PTPRU: variants seen among roughly 807,000 people sequenced by gnomAD.
PTPRU encodes protein tyrosine phosphatase receptor type U.
PTPRU carries 69 observed loss-of-function variants against 166.3 expected under a neutral mutation model. That is an observed-to-expected ratio of 0.41 (90% confidence interval 0.34 to 0.51). PTPRU has a LOEUF of 0.51. Ranked by LOEUF, PTPRU falls within the 20% of genes least tolerant of loss-of-function variation. The probability of loss-of-function intolerance (pLI) is 0.09; values close to 1 mark genes in which losing one functional copy is unlikely to be tolerated. For synonymous variants in PTPRU, 793 were observed against 814.0 expected (o/e 0.97, Z 0.44); for missense variants, 1,657 against 2,013.7 (o/e 0.82, Z 3.39).
intron 1 of PTPRU, among the ~76,000 whole-genome samples, chr1:29,254,430 T>G (rs1684684606): frequency 6.6e-6 from 1 of 152,244 alleles, no homozygotes; most frequent in Non-Finnish European, 1.5e-5. Context: ...CTGTTAGTAC[T>G]GGTTGCAAAT....
At position 29,245,515 on chromosome 1, in the gene PTPRU, C is replaced by T. The variant is rs192956023; in HGVS notation, c.73+8798C>T. ...CTGGACTGCTCTGGATGTGCACTGT[C>T]TGGGATTCCTGGGTCCAGCCTCCTT... On this transcript the variant is annotated intron_variant, in intron 1 of 29. Coordinates refer to ENST00000373779, the MANE Select transcript of PTPRU (RefSeq NM_133178.4). 5.9e-5 allele frequency among the ~76,000 whole-genome samples: 9 copies of T among 152,318 alleles called. No homozygotes were observed. The East Asian group carries it at 1.7e-3, about 29-fold the overall frequency.
chr1:29,266,405 A>T (rs1019936349), intron 7 of PTPRU, among the ~76,000 whole-genome samples: 2 of 152,212 alleles, frequency 1.3e-5, no homozygotes, highest in Non-Finnish European at 2.9e-5. Context: ...GTTGCTAATC[A>T]ATATTCGTAA....
chr1:29,274,112 C>A (rs960494858), intron 7 of PTPRU, among the ~76,000 whole-genome samples: 3 of 152,208 alleles, frequency 2.0e-5, no homozygotes, highest in Non-Finnish European at 4.4e-5. Context: ...CTTACCGCAA[C>A]CTCTGCCTCC....
At position 29,283,081 on chromosome 1, in the gene PTPRU, C is replaced by T. The variant is rs976035623; in HGVS notation, c.2142+132C>T. On this transcript the variant is annotated intron_variant, in intron 12 of 29. Transcript: ENST00000373779. ...CATAGCCCCACCTCCCATAGCCCCA[C>T]CTCCCATAGCTCCTCCTCCTACAGC... is the stretch of plus-strand genomic sequence containing the variant. 26 of 1,287,158 alleles carry T rather than the reference C, an allele frequency of 2.0e-5. No homozygotes were observed. In the African/African-American group the frequency reaches 3.6e-4, roughly 18 times the overall value. 79.7% of individuals were successfully genotyped at this position (1,287,158 alleles called of 1,614,324 possible).
intron 15 of PTPRU, among the ~76,000 whole-genome samples, chr1:29,297,071 T>G (rs76167227): frequency 6.7e-6 from 1 of 148,838 alleles, no homozygotes; most frequent in Admixed American, 6.8e-5. Flanking sequence ...TTTTTTTTTT[T>G]GAAACAGGGT....
chr1:29,316,272 T>C (rs1687897159), intron 24 of PTPRU, 121 bp downstream of exon 24: 2 of 1,236,532 alleles, frequency 1.6e-6, no homozygotes, highest in South Asian at 1.5e-5. Context: ...AGGCCACAGC[T>C]GGAGGGACAG....
chr1:29,265,071 C>G (rs1250985946), intron 7 of PTPRU, among the ~76,000 whole-genome samples: 1 of 152,182 alleles, frequency 6.6e-6, no homozygotes, highest in Non-Finnish European at 1.5e-5. Flanking sequence ...AGCATTCATA[C>G]AGAGGTTTTT....
In PTPRU at chr1:29,325,950, A is replaced by G; in HGVS notation, c.*289A>G. 1 of 459,100 alleles carries G rather than the reference A, an allele frequency of 2.2e-6. No homozygotes were observed. The allele number at this position is 459,100 out of a possible 1,614,324, so 28.4% of individuals were successfully genotyped here. ...AGGCCTGGTGCTGCCTGGCAGAGTGACAAAGGCTCAGGACGGCTGGCTCTG... is the reference window on the plus strand; with the variant it reads ...AGGCCTGGTGCTGCCTGGCAGAGTGGCAAAGGCTCAGGACGGCTGGCTCTG... On this transcript the variant is annotated 3_prime_UTR_variant, in exon 30 of 30. Coordinates refer to ENST00000373779, the MANE Select transcript of PTPRU (RefSeq NM_133178.4).
rs559827050 is a variant in PTPRU at position 29,304,236 on chromosome 1, T to G, written c.2667+191T>G. ...TTTAGACTGATTTGGTTTTTCACTC[T>G]CATGCTAACCCTGATTTGAAATCTG... On this transcript the variant is annotated intron_variant, in intron 16 of 29. Coordinates refer to ENST00000373779, the MANE Select transcript of PTPRU (RefSeq NM_133178.4). 1.4e-4 allele frequency among the ~76,000 whole-genome samples: 22 copies of G among 152,324 alleles called. No individual in the cohort carries two copies. The Middle Eastern group carries it at 0.01, about 71-fold the overall frequency.
At position 29,291,757 on chromosome 1, in the gene PTPRU, A is replaced by T. The variant is rs183218690; in HGVS notation, c.2319-112A>T. ...CAGCATCCAGAGATGCTTCTAGGAC[A>T]GCTGCTGGCTCCTGGCCTTGAGGTC... On this transcript the variant is annotated intron_variant, in intron 14 of 29. Coordinates refer to ENST00000373779, the MANE Select transcript of PTPRU (RefSeq NM_133178.4). This position sits in a 1 kb window ranked among gnomAD's most constrained non-coding sequence, Gnocchi z 4.1. The T allele has an allele frequency of 2.3e-4, 260 of 1,125,774 alleles. 2 individuals carry two copies. The East Asian group carries it at 5.8e-3, about 25-fold the overall frequency. 69.7% of individuals were successfully genotyped at this position (1,125,774 alleles called of 1,614,324 possible).
intron 1 of PTPRU, among the ~76,000 whole-genome samples, chr1:29,252,538 G>A (rs780599356): frequency 2.0e-5 from 3 of 152,098 alleles, no homozygotes; most frequent in Non-Finnish European, 4.4e-5. Context: ...AAAGTGTTGG[G>A]ATTACAGGTG....
chr1:29,252,956 C>T (rs1684621280), intron 1 of PTPRU, among the ~76,000 whole-genome samples: 5 of 152,246 alleles, frequency 3.3e-5, no homozygotes, highest in Admixed American at 3.3e-4. Context: ...TGACTGCCTC[C>T]TCCTCCAGAC....
At chr1:29,292,483 A>G (rs1159589940) in intron 15 of PTPRU, among the ~76,000 whole-genome samples, 1 of 152,184 alleles carries the variant, frequency 6.6e-6, no homozygotes, top group African/African-American at 2.4e-5. Context: ...ATGGGAATGC[A>G]GATTGCCTCT....
At chr1:29,259,113 T>C (rs1274883351) in intron 3 of PTPRU, 148 bp from the exon 4 acceptor site, 3 of 922,232 alleles carry the variant, frequency 3.3e-6, no homozygotes, top group Non-Finnish European at 4.9e-6. Context: ...CACCCCCAAC[T>C]AGCTGGCTTG....
rs372895985 is a variant in PTPRU at position 29,279,150 on chromosome 1, G to A, written c.1563+29G>A. 197 of 1,511,664 alleles carry A rather than the reference G, an allele frequency of 1.3e-4. No individual in the cohort carries two copies. Among genetic ancestry groups the A allele is most frequent in the Admixed American group, 2.2e-4 (11 of 51,118 alleles). The allele number at this position is 1,511,664 out of a possible 1,614,324, so 93.6% of individuals were successfully genotyped here. On this transcript the variant is annotated intron_variant, in intron 9 of 29. Coordinates refer to ENST00000373779, the MANE Select transcript of PTPRU (RefSeq NM_133178.4). This position sits in a 1 kb window ranked among gnomAD's most constrained non-coding sequence, Gnocchi z 5.2. ...GGTTTGGGACCCTATTACAGTGGGGGACCCTGGTGGAAGGTGAGAGGTGGC... is the reference window on the plus strand; with the variant it reads ...GGTTTGGGACCCTATTACAGTGGGGAACCCTGGTGGAAGGTGAGAGGTGGC...
intron 14 of PTPRU, among the ~76,000 whole-genome samples, chr1:29,285,477 A>G (rs570554329): frequency 4.5e-4 from 69 of 152,248 alleles, no homozygotes; most frequent in African/African-American, 1.5e-3. Flanking sequence ...CTGTGTTTGC[A>G]TGAAATGTGT....
intron 22 of PTPRU, among the ~76,000 whole-genome samples, chr1:29,313,731 T>C (rs763164849): frequency 1.3e-5 from 2 of 152,180 alleles, no homozygotes; most frequent in African/African-American, 2.4e-5. Flanking sequence ...GGCACAAGCC[T>C]GTAGTCCCAG....
chr1:29,256,211 A>G (rs1419738288), intron 2 of PTPRU, among the ~76,000 whole-genome samples: 1 of 152,140 alleles, frequency 6.6e-6, no homozygotes, highest in Admixed American at 6.5e-5. Flanking sequence ...TTTAATTGCT[A>G]TGGTTGAGGG....
intron 8 of PTPRU, 146 bp downstream of exon 8, chr1:29,275,902 T>C: frequency 1.1e-6 from 1 of 906,922 alleles, no homozygotes; most frequent in South Asian, 1.8e-5. Context: ...TGATAGCTCC[T>C]ATTTTTTCTC....
Sources: allele counts gnomAD v4.1 joint callset (sites outside exome capture counted in the v4.1 genomes callset), GRCh38; gene constraint gnomAD v4.1.1; non-coding constraint Gnocchi (gnomAD v3.1); transcripts MANE v1.5; gene names NCBI Gene and HGNC (gene_info 2026-07-23, HGNC 2026-07-21).